CDKAL1: variants seen among roughly 807,000 people sequenced by gnomAD.
CDKAL1 encodes the protein threonylcarbamoyladenosine tRNA methylthiotransferase.
CDKAL1 carries 32 observed loss-of-function variants against 68.2 expected under a neutral mutation model. The ratio of observed to expected loss-of-function variants is 0.47; its 90% CI spans 0.35 to 0.63. The LOEUF (loss-of-function observed/expected upper bound fraction) is 0.63, where lower values mean the gene tolerates loss of function less well. Among genes scored for constraint, CDKAL1 ranks in the 30% least tolerant of loss-of-function variants. CDKAL1 has a pLI of 0.00. For synonymous variants in CDKAL1, 234 were observed against 244.3 expected (o/e 0.96, Z 0.39); for missense variants, 606 against 696.7 (o/e 0.87, Z 1.47).
At chr6:20,905,940 A>G (rs1316601381) in intron 9 of CDKAL1, among the ~76,000 whole-genome samples, 2 of 152,362 alleles carry the variant, frequency 1.3e-5, no homozygotes, top group African/African-American at 4.8e-5. Flanking sequence ...TTACCCTGTA[A>G]GAAATACCAA....
At chr6:21,045,152 G>A (rs1770151603) in intron 11 of CDKAL1, among the ~76,000 whole-genome samples, 2 of 152,172 alleles carry the variant, frequency 1.3e-5, no homozygotes, top group South Asian at 4.1e-4. Context: ...AGCACTTGGC[G>A]AAATAGCACA....
intron 8 of CDKAL1, among the ~76,000 whole-genome samples, chr6:20,803,483 T>G (rs559105679): frequency 6.6e-6 from 1 of 152,328 alleles, no homozygotes; most frequent in South Asian, 2.1e-4. Flanking sequence ...TGTACAATTT[T>G]TATCATAATA....
At chr6:21,169,921 A>ACCCCCCCCCCCCC (rs57265201) in intron 13 of CDKAL1, among the ~76,000 whole-genome samples, 1 of 127,756 alleles carries the variant, frequency 7.8e-6, no homozygotes, top group Non-Finnish European at 1.6e-5. Context: ...TACGGGAAAG[A>ACCCCCCCCCCCCC]CCCCCCCCAC....
intron 8 of CDKAL1, among the ~76,000 whole-genome samples, chr6:20,789,337 G>C (rs545603990): frequency 2.0e-5 from 3 of 152,180 alleles, no homozygotes; most frequent in African/African-American, 7.2e-5. Context: ...TCATTCATAG[G>C]AACAGTGGAT....
intron 5 of CDKAL1, among the ~76,000 whole-genome samples, chr6:20,721,983 G>T (rs561538581): frequency 1.6e-4 from 25 of 151,894 alleles, no homozygotes; most frequent in Admixed American, 3.9e-4. Context: ...CTCCCCCCTT[G>T]GCCTCCCAAA....
chr6:21,099,925 A>T (rs1024565183), intron 12 of CDKAL1, among the ~76,000 whole-genome samples: 1 of 152,266 alleles, frequency 6.6e-6, no homozygotes, highest in African/African-American at 2.4e-5. Context: ...TTGTTACCAA[A>T]TAATGACCTT....
At chr6:20,814,016 G>C (rs1409995959) in intron 8 of CDKAL1, among the ~76,000 whole-genome samples, 3 of 151,902 alleles carry the variant, frequency 2.0e-5, no homozygotes, top group Admixed American at 2.0e-4. Flanking sequence ...TCACTTGGGG[G>C]AGAATTGGCA....
At chr6:20,945,318 A>G (rs1764183088) in intron 9 of CDKAL1, among the ~76,000 whole-genome samples, 1 of 152,218 alleles carries the variant, frequency 6.6e-6, no homozygotes, top group South Asian at 2.1e-4. Flanking sequence ...AGGGATGTTT[A>G]GCTGCTACAT....
chr6:20,964,464 C>A (rs1765203172), intron 10 of CDKAL1, among the ~76,000 whole-genome samples: 1 of 152,070 alleles, frequency 6.6e-6, no homozygotes, highest in Admixed American at 6.6e-5. Context: ...GACTATGCAA[C>A]CATAAAAAAA....
intron 8 of CDKAL1, among the ~76,000 whole-genome samples, chr6:20,793,312 G>A (rs115911248): frequency 0.01 from 1,582 of 152,190 alleles, 9 homozygotes; most frequent in Non-Finnish European, 0.016. Context: ...TATATGCAAA[G>A]GAAGAGGCAA....
chr6:20,674,431 T>A (rs1581361636), intron 5 of CDKAL1, among the ~76,000 whole-genome samples: 1 of 152,334 alleles, frequency 6.6e-6, no homozygotes, highest in Non-Finnish European at 1.5e-5. Flanking sequence ...TCTATTTTTT[T>A]AGAGTTTTTT....
intron 10 of CDKAL1, among the ~76,000 whole-genome samples, chr6:20,978,781 A>G (rs540752147): frequency 2.7e-4 from 41 of 152,340 alleles, no homozygotes; most frequent in South Asian, 1.2e-3. Context: ...TGTAAATGGT[A>G]ACAAGAATGG....
At chr6:20,811,139 G>A (rs536209374) in intron 8 of CDKAL1, among the ~76,000 whole-genome samples, 2 of 152,168 alleles carry the variant, frequency 1.3e-5, no homozygotes, top group African/African-American at 4.8e-5. Context: ...GACTGCCATG[G>A]ACAAGAGCCA....
chr6:20,734,983 C>T (rs900061915), intron 5 of CDKAL1, among the ~76,000 whole-genome samples: 1 of 151,420 alleles, frequency 6.6e-6, no homozygotes, highest in Non-Finnish European at 1.5e-5. Context: ...AATTCCCTGC[C>T]TCAGCCTCCT....
intron 4 of CDKAL1, among the ~76,000 whole-genome samples, chr6:20,562,047 G>C (rs938746467): frequency 1.3e-5 from 2 of 152,066 alleles, no homozygotes; most frequent in Non-Finnish European, 2.9e-5. Context: ...CAATTTAATG[G>C]GATTGGATTC....
intron 11 of CDKAL1, among the ~76,000 whole-genome samples, chr6:21,031,583 G>C (rs930516537): frequency 6.6e-6 from 1 of 151,790 alleles, no homozygotes; most frequent in African/African-American, 2.4e-5. Context: ...GGTTTATCTT[G>C]AGCTCTGAGG....
intron 15 of CDKAL1, among the ~76,000 whole-genome samples, chr6:21,228,766 G>T (rs917178135): frequency 3.9e-5 from 6 of 152,194 alleles, no homozygotes; most frequent in African/African-American, 1.4e-4. Context: ...TTCAGCTGAA[G>T]GACTCTGCAT....
At chr6:20,769,737 A>G (rs985596286) in intron 7 of CDKAL1, among the ~76,000 whole-genome samples, 1 of 152,214 alleles carries the variant, frequency 6.6e-6, no homozygotes, top group African/African-American at 2.4e-5. Flanking sequence ...TTGTTTAATT[A>G]TGGTAGTAAC....
intron 4 of CDKAL1, among the ~76,000 whole-genome samples, chr6:20,579,330 A>G (rs1461045010): frequency 6.6e-6 from 1 of 152,190 alleles, no homozygotes; most frequent in Non-Finnish European, 1.5e-5. Flanking sequence ...GAATGAAAGT[A>G]TATTACATAC....
Sources: gnomAD v4.1 joint callset for allele counts (sites outside exome capture counted in the v4.1 genomes callset) on GRCh38, gnomAD v4.1.1 for gene constraint, MANE v1.5 for transcripts, NCBI Gene and HGNC (gene_info 2026-07-23, HGNC 2026-07-21) for gene names.